Variants in C3orf22 observed in about 807,000 individuals in gnomAD.
C3orf22 encodes uncharacterized protein C3orf22.
C3orf22 carries 7 observed loss-of-function variants against 10.8 expected under a neutral mutation model. The observed-to-expected ratio is 0.65, with a 90% CI of 0.37 to 1.22. The LOEUF is 1.22. Ranked by LOEUF, C3orf22 falls within the 50% of genes most tolerant of loss-of-function variation. The pLI is 0.02. For synonymous variants in C3orf22, 79 were observed against 78.9 expected (o/e 1.00, Z 0.00); for missense variants, 173 against 177.0 (o/e 0.98, Z 0.13).
At chr3:126,551,894 G>T in intron 3 of C3orf22, 103 bp downstream of exon 3, 1 of 1,310,776 alleles carries the variant, frequency 7.6e-7, no homozygotes, top group Non-Finnish European at 1.1e-6. Flanking sequence ...AGTGGCGCGT[G>T]CTGGGAGGAT....
rs776338248 is a variant in C3orf22, at chr3:126,552,085, G to T, written c.127C>A (p.Gln43Lys). Reference sequence around the variant, plus strand: ...GAGTCGTTTGTGACCTCCCAGGGCTGCAGGGGCTCAGGGTCGGGCTCTGTC... The same window carrying T: ...GAGTCGTTTGTGACCTCCCAGGGCTTCAGGGGCTCAGGGTCGGGCTCTGTC... ...WLTEPDPEPL[Q>K]PWEVTNDSNT... Residue 43 changes from glutamine (Q) to lysine (K), a missense_variant, in exon 3 of 4, where the codon CAG (glutamine) becomes AAG (lysine). Coordinates refer to ENST00000318225, the MANE Select transcript of C3orf22 (RefSeq NM_152533.3). The T allele has an allele frequency of 1.2e-5, 20 of 1,613,782 alleles. No individual in the cohort carries two copies. The highest frequency in any genetic ancestry group is 1.7e-5 in the Admixed American group (1 of 59,900).
intron 4 of C3orf22, chr3:126,541,928 G>A (rs757930551): frequency 2.7e-5 from 43 of 1,594,434 alleles, no homozygotes; most frequent in Non-Finnish European, 3.4e-5. Flanking sequence ...CGTGCTGCTG[G>A]CGCTGAGCGG....
intron 4 of C3orf22, among the ~76,000 whole-genome samples, chr3:126,539,719 C>T: frequency 8.3e-6 from 1 of 120,756 alleles, no homozygotes; most frequent in Non-Finnish European, 1.7e-5. Flanking sequence ...ATGCCACACA[C>T]ACCCCCCACA....
At chr3:126,542,543 A>G in intron 4 of C3orf22, 1 of 1,530,176 alleles carries the variant, frequency 6.5e-7, no homozygotes, top group Non-Finnish European at 8.7e-7. Flanking sequence ...CCTGCTTTTC[A>G]ACTACTCCGC....
intron 4 of C3orf22, chr3:126,542,277 CCTT>C: frequency 6.4e-7 from 1 of 1,563,686 alleles, no homozygotes; most frequent in Non-Finnish European, 8.6e-7. Flanking sequence ...CGTGAGGAGC[CCTT>C]CAACGAGCAC....
chr3:126,550,790 A>C (rs1576246802), intron 3 of C3orf22, among the ~76,000 whole-genome samples: 1 of 152,204 alleles, frequency 6.6e-6, no homozygotes, highest in Non-Finnish European at 1.5e-5. Context: ...CTGGTCAATT[A>C]TCTCTCCCCA....
At chr3:126,538,861 A>C (rs1936859059) in intron 4 of C3orf22, among the ~76,000 whole-genome samples, 1 of 152,156 alleles carries the variant, frequency 6.6e-6, no homozygotes, top group South Asian at 2.1e-4. Context: ...CTGTTTCTCA[A>C]AATGGTGAGA....
intron 4 of C3orf22, among the ~76,000 whole-genome samples, chr3:126,541,555 G>A (rs1325860925): frequency 6.6e-6 from 1 of 152,198 alleles, no homozygotes; most frequent in Non-Finnish European, 1.5e-5. Context: ...CTCGGCCCAG[G>A]ACAGATGCCC....
At chr3:126,554,464 A>G (rs1433504495) in intron 1 of C3orf22, among the ~76,000 whole-genome samples, 2 of 151,966 alleles carry the variant, frequency 1.3e-5, no homozygotes, top group African/African-American at 2.4e-5. Context: ...GGGTTTCACC[A>G]TGTTGGCCAG....
intron 4 of C3orf22, chr3:126,542,515 C>T (rs774224959): frequency 2.9e-4 from 459 of 1,567,538 alleles, no homozygotes; most frequent in Non-Finnish European, 3.7e-4. Flanking sequence ...GCCTCTTCGA[C>T]CTCTACAAGA....
intron 5 of C3orf22, chr3:126,527,971 C>T (rs993377344): frequency 5.9e-5 from 9 of 151,970 alleles, no homozygotes; most frequent in African/African-American, 2.2e-4. Flanking sequence ...AACCCCAAAT[C>T]CTTTTTCTTT....
intron 4 of C3orf22, chr3:126,542,667 T>A: frequency 4.3e-6 from 6 of 1,380,268 alleles, no homozygotes; most frequent in Non-Finnish European, 5.6e-6. Flanking sequence ...CCAGGACCCC[T>A]CTTCAAGAGC....
intron 1 of C3orf22, among the ~76,000 whole-genome samples, chr3:126,556,513 G>C (rs573754141): frequency 6.6e-6 from 1 of 151,002 alleles, no homozygotes; most frequent in Admixed American, 6.6e-5. Context: ...ACCTGTCCAG[G>C]GCCTGCTTGG....
At chr3:126,536,833 G>A (rs937884695) in intron 4 of C3orf22, among the ~76,000 whole-genome samples, 12 of 149,094 alleles carry the variant, frequency 8.0e-5, no homozygotes, top group Non-Finnish European at 1.6e-4. Context: ...ACATACAACT[G>A]TACCCCACCA....
In C3orf22 at chr3:126,554,084, G is replaced by T. The variant is rs568248696; in HGVS notation, c.-40-654C>A. 1.1e-3 allele frequency among the ~76,000 whole-genome samples: 165 copies of T among 151,776 alleles called. No individual in the cohort carries two copies. The Middle Eastern group carries it at 0.041, about 38-fold the overall frequency. On this transcript the variant is annotated intron_variant, in intron 1 of 3. Transcript: ENST00000318225. ...AGGCTGGAGTGCCGTGGTTGATCACGGCTCACTGCTGCCTCAACCTCCTGG... is the reference window on the plus strand; with the variant it reads ...AGGCTGGAGTGCCGTGGTTGATCACTGCTCACTGCTGCCTCAACCTCCTGG...
At chr3:126,536,285 G>A (rs751992539) in intron 4 of C3orf22, 1 of 1,613,826 alleles carries the variant, frequency 6.2e-7, no homozygotes, top group African/African-American at 1.3e-5. Flanking sequence ...TGGAAACAGA[G>A]CCCTGGGCTC....
intron 4 of C3orf22, among the ~76,000 whole-genome samples, chr3:126,541,491 C>G (rs1470058683): frequency 6.6e-6 from 1 of 152,206 alleles, no homozygotes; most frequent in African/African-American, 2.4e-5. Flanking sequence ...GGCATACATA[C>G]CCAGCGCGTC....
intron 4 of C3orf22, chr3:126,536,262 T>G: frequency 1.9e-6 from 3 of 1,613,154 alleles, no homozygotes; most frequent in African/African-American, 1.3e-5. Context: ...TCTCTCCTTA[T>G]GCCCACAGCA....
intron 3 of C3orf22, among the ~76,000 whole-genome samples, chr3:126,550,645 C>T (rs73859522): frequency 0.029 from 4,444 of 152,264 alleles, 212 homozygotes; most frequent in African/African-American, 0.098. Context: ...GAGGCTGACA[C>T]CCACAGCCCC....
Sources: gnomAD v4.1 joint callset for allele counts (sites outside exome capture counted in the v4.1 genomes callset) on GRCh38, gnomAD v4.1.1 for gene constraint, MANE v1.5 for transcripts, NCBI Gene and HGNC (gene_info 2026-07-23, HGNC 2026-07-21) for gene names.